Variants in PGAP4 observed in about 807,000 individuals in gnomAD.
PGAP4 encodes GPI-N-acetylgalactosamine transferase PGAP4.
In PGAP4, 12 loss-of-function variants were observed where a neutral mutation model predicts 28.2. The ratio of observed to expected loss-of-function variants is 0.42; its 90% CI spans 0.27 to 0.69. The LOEUF is 0.69. PGAP4 is among the 30% of genes least tolerant of loss of function. The pLI is 0.22. For synonymous variants in PGAP4, 205 were observed against 211.8 expected, an observed-to-expected ratio of 0.97 and a Z score of 0.28; for missense variants, 425 against 513.5, an observed-to-expected ratio of 0.83 and a Z score of 1.67.
In PGAP4 at chr9:101,529,899, C is replaced by G. The variant is rs1030160287; in HGVS notation, c.-165+1449G>C. 2.6e-5 allele frequency among the ~76,000 whole-genome samples: 4 copies of G among 152,150 alleles called. No homozygotes were observed. The East Asian group carries it at 7.7e-4, about 29-fold the overall frequency. ...CTTGCATTTTCAGAGAGCTTTCCCC[C>G]GGAAATTCTGATTCAGCAAGTCTAG... is the stretch of plus-strand genomic sequence containing the variant. On this transcript the variant is annotated intron_variant, in intron 2 of 3. Coordinates refer to the PGAP4 transcript ENST00000374851.
chr9:101,502,901 G>T (rs1459464147), intron 2 of PGAP4, among the ~76,000 whole-genome samples: 1 of 152,030 alleles, frequency 6.6e-6, no homozygotes, highest in African/African-American at 2.4e-5. Context: ...CATGGGGAAT[G>T]GAGGTGAGTG....
intron 1 of PGAP4, among the ~76,000 whole-genome samples, chr9:101,484,686 A>T (rs1826573108): frequency 6.6e-6 from 1 of 152,146 alleles, no homozygotes; most frequent in South Asian, 2.1e-4. Context: ...CCAAAACTTG[A>T]CCATGCTGGC....
chr9:101,505,935 G>A (rs1826844744), intron 2 of PGAP4, among the ~76,000 whole-genome samples: 1 of 152,136 alleles, frequency 6.6e-6, no homozygotes, highest in Admixed American at 6.6e-5. Context: ...AAAACAAAGA[G>A]CTTCCAAATA....
chr9:101,517,989 G>A (rs1247557878), intron 2 of PGAP4, among the ~76,000 whole-genome samples: 1 of 152,080 alleles, frequency 6.6e-6, no homozygotes, highest in Non-Finnish European at 1.5e-5. Context: ...CATCACCCAG[G>A]CAGTGAGCAC....
At chr9:101,488,534 A>G (rs538372850), upstream of PGAP4, among the ~76,000 whole-genome samples, 10 of 152,310 alleles carry the variant, frequency 6.6e-5, no homozygotes, top group Admixed American at 2.0e-4. Flanking sequence ...AGAGGTTTAC[A>G]TGAGATAATG....
chr9:101,532,248 T>C (rs62575838), intron 1 of PGAP4, among the ~76,000 whole-genome samples: 45,171 of 148,278 alleles, frequency 0.3, 7,328 homozygotes, highest in South Asian at 0.43. Flanking sequence ...CCAGCCTGGG[T>C]GACAGAGTAA....
intron 2 of PGAP4, among the ~76,000 whole-genome samples, chr9:101,504,205 G>GTTTGT (rs1826828788): frequency 2.9e-5 from 1 of 34,550 alleles, no homozygotes; most frequent in Non-Finnish European, 6.0e-5. Context: ...GTGTGTGTGT[G>GTTTGT]TTTGTTTTTT....
At chr9:101,525,432 C>T (rs1035825045) in intron 2 of PGAP4, among the ~76,000 whole-genome samples, 9 of 151,494 alleles carry the variant, frequency 5.9e-5, no homozygotes, top group East Asian at 1.9e-4. Flanking sequence ...TGTTGGCGGG[C>T]GCAGTGGCTC....
At chr9:101,517,775 T>G (rs770267535) in intron 2 of PGAP4, among the ~76,000 whole-genome samples, 1 of 152,304 alleles carries the variant, frequency 6.6e-6, no homozygotes, top group East Asian at 1.9e-4. Context: ...GATTTGTGAC[T>G]TCCACGGAAG....
At position 101,474,100 on chromosome 9, in the gene PGAP4, T is replaced by C. The variant is rs1342792824; in HGVS notation, c.*1781A>G. ...AAAAGAGACTTTGACCACATAGATA[T>C]TCATAAAATTAATGTGGTTAAGAAA... On this transcript the variant is annotated 3_prime_UTR_variant, in exon 2 of 2. Transcript: ENST00000374848. 2 of 152,306 alleles carry C rather than the reference T, an allele frequency of 1.3e-5. No individual in the cohort carries two copies. The highest frequency in any genetic ancestry group is 6.8e-3 in the Middle Eastern group (2 of 294). The allele number at this position is 152,306 out of a possible 1,614,324, so 9.4% of individuals were successfully genotyped here. A position where few individuals can be genotyped will look rare whatever the true frequency, so the allele number is the denominator to read the frequency against.
At chr9:101,533,296 A>T (rs1419346170) in exon 1 of PGAP4, 3 of 151,948 alleles carry the variant, frequency 2.0e-5, no homozygotes, top group Non-Finnish European at 4.4e-5. Flanking sequence ...ACGCTTTTTT[A>T]AAAAAGCTTT....
intron 2 of PGAP4, among the ~76,000 whole-genome samples, chr9:101,525,631 C>T (rs1430210532): frequency 6.7e-6 from 1 of 149,856 alleles, no homozygotes; most frequent in African/African-American, 2.5e-5. Flanking sequence ...TCACTTGAAC[C>T]CGAGAGGCGG....
chr9:101,491,298 A>G (rs1406175362), upstream of PGAP4, among the ~76,000 whole-genome samples: 1 of 152,108 alleles, frequency 6.6e-6, no homozygotes, highest in Non-Finnish European at 1.5e-5. Flanking sequence ...CCGATAATAG[A>G]TGTGCAGTAT....
intron 2 of PGAP4, among the ~76,000 whole-genome samples, chr9:101,506,061 C>A (rs1317677302): frequency 2.0e-5 from 3 of 152,186 alleles, no homozygotes; most frequent in Admixed American, 2.0e-4. Flanking sequence ...TAAAATGTTA[C>A]CATTTGTGCA....
rs541187486 is a variant in PGAP4, at chr9:101,495,986, A to G, written c.-164-6786T>C. ...TGCCAGAAAAGTGTGTTCAGACTCCAGAAAAGTGAGTGAACTATATTATAG... is the reference window on the plus strand; with the variant it reads ...TGCCAGAAAAGTGTGTTCAGACTCCGGAAAAGTGAGTGAACTATATTATAG... On this transcript the variant is annotated intron_variant, in intron 2 of 3. Coordinates refer to the PGAP4 transcript ENST00000374851. Among the ~76,000 whole-genome samples the G allele has an allele frequency of 2.0e-5, 3 of 151,630 alleles. No homozygotes were observed. In the East Asian group the frequency reaches 5.8e-4, roughly 29 times the overall value.
chr9:101,531,825 G>A lies in PGAP4; in HGVS notation c.-376-266C>T, dbSNP rs144250576. Among the ~76,000 whole-genome samples, 593 of 152,338 alleles carry A rather than the reference G, an allele frequency of 3.9e-3. 2 individuals are homozygous for A. The highest frequency in any genetic ancestry group is 0.014 in the African/African-American group (564 of 41,560). ...CCAATAATGTCCACCAGACACTTAC[G>A]TAGTACCAGCAATTGATTTATCACA... On this transcript the variant is annotated intron_variant, in intron 1 of 3. Coordinates refer to the PGAP4 transcript ENST00000374851.
chr9:101,520,370 T>C (rs1826978849), intron 2 of PGAP4, among the ~76,000 whole-genome samples: 2 of 152,224 alleles, frequency 1.3e-5, no homozygotes, highest in African/African-American at 4.8e-5. Flanking sequence ...TTTGTTCATG[T>C]CATCTATGAT....
At chr9:101,497,770 A>G (rs1176762390) in intron 2 of PGAP4, among the ~76,000 whole-genome samples, 3 of 151,752 alleles carry the variant, frequency 2.0e-5, no homozygotes, top group Middle Eastern at 3.2e-3. Flanking sequence ...TATATTTTAT[A>G]TGAGTGCCCT....
chr9:101,492,821 T>C (rs1309361237), intron 2 of PGAP4, among the ~76,000 whole-genome samples: 1 of 152,146 alleles, frequency 6.6e-6, no homozygotes, highest in African/African-American at 2.4e-5. Flanking sequence ...GCTTATTCTC[T>C]CTGTCTTTTT....
Sources: gnomAD v4.1 joint callset for allele counts (sites outside exome capture counted in the v4.1 genomes callset) on GRCh38, gnomAD v4.1.1 for gene constraint, MANE v1.5 for transcripts, NCBI Gene and HGNC (gene_info 2026-07-23, HGNC 2026-07-21) for gene names.